TOX2: variants seen among roughly 807,000 people sequenced by gnomAD.
TOX2 encodes TOX high mobility group box family member 2.
Under a neutral mutation model 47.4 loss-of-function variants are expected in TOX2, and 15 were observed. The observed-to-expected ratio is 0.32, with a 90% CI of 0.21 to 0.49. The LOEUF (loss-of-function observed/expected upper bound fraction) is 0.49. Ranked by LOEUF, TOX2 falls within the 20% of genes least tolerant of loss-of-function variation. The probability of loss-of-function intolerance (pLI) is 0.99; values close to 1 mark genes in which losing one functional copy is unlikely to be tolerated. For missense variants in TOX2, 622 were observed against 673.1 expected, an observed-to-expected ratio of 0.92 and a Z score of 0.84; for synonymous variants, 290 against 296.6, an observed-to-expected ratio of 0.98 and a Z score of 0.23.
chr20:43,925,468 A>C (rs961399700), intron 1 of TOX2, among the ~76,000 whole-genome samples: 1 of 152,112 alleles, frequency 6.6e-6, no homozygotes, highest in Non-Finnish European at 1.5e-5. Flanking sequence ...GCGCTGGTGC[A>C]CTTTTTCCAG....
At chr20:44,011,053 A>G (rs1325133437) in intron 3 of TOX2, among the ~76,000 whole-genome samples, 1 of 151,986 alleles carries the variant, frequency 6.6e-6, no homozygotes, top group Non-Finnish European at 1.5e-5. Context: ...CCATCTTCAC[A>G]TCGCCTTCCC....
intron 1 of TOX2, among the ~76,000 whole-genome samples, chr20:43,923,610 A>G (rs1371608228): frequency 1.3e-5 from 2 of 152,206 alleles, no homozygotes; most frequent in African/African-American, 2.4e-5. Context: ...TGAGGACAGT[A>G]GAGATGTATT....
chr20:44,035,247 G>A (rs1034521691), intron 3 of TOX2, among the ~76,000 whole-genome samples: 1 of 152,310 alleles, frequency 6.6e-6, no homozygotes. Context: ...CATGGGTCTG[G>A]GAGAGCCTTC....
intron 3 of TOX2, among the ~76,000 whole-genome samples, chr20:44,019,436 C>T (rs959466609): frequency 2.0e-5 from 3 of 152,240 alleles, no homozygotes; most frequent in African/African-American, 7.2e-5. Flanking sequence ...CTATCCTTGG[C>T]CCAGGCCTCT....
chr20:43,982,907 G>T (rs992993207), intron 2 of TOX2, among the ~76,000 whole-genome samples: 1 of 151,584 alleles, frequency 6.6e-6, no homozygotes, highest in South Asian at 2.1e-4. Context: ...CTAAGGCAAG[G>T]CTGGGAAATA....
intron 4 of TOX2, among the ~76,000 whole-genome samples, chr20:44,053,540 CTATATATATACATATATACTA>C (rs1172463524): frequency 0.014 from 640 of 47,206 alleles, 4 homozygotes; most frequent in Non-Finnish European, 0.022. Flanking sequence ...TACATATATA[CTATATATATACATATATACTA>C]TATATACACA....
chr20:43,999,651 A>C (rs1297021941), intron 2 of TOX2, among the ~76,000 whole-genome samples: 1 of 152,258 alleles, frequency 6.6e-6, no homozygotes, highest in East Asian at 1.9e-4. Flanking sequence ...TGGCAATACT[A>C]TCTGAGCGTC....
intron 5 of TOX2, among the ~76,000 whole-genome samples, chr20:44,061,868 A>G (rs1180576902): frequency 6.6e-6 from 1 of 152,120 alleles, no homozygotes; most frequent in African/African-American, 2.4e-5. Context: ...CATAAACAGA[A>G]TTTAAAACCA....
At position 43,951,707 on chromosome 20, in the gene TOX2, G is replaced by GTTTGTTTTTTTTTTTTTTTTTTT. The variant is rs2069571364; in HGVS notation, c.100-21657_100-21656insGTTTTTTTTTTTTTTTTTTTTTT. Among the ~76,000 whole-genome samples, 7 of 55,094 alleles carry GTTTGTTTTTTTTTTTTTTTTTTT rather than the reference G, an allele frequency of 1.3e-4. 1 individual carries two copies. The highest frequency in any genetic ancestry group is 2.3e-4 in the Non-Finnish European group (6 of 25,574). 36.1% of individuals were successfully genotyped at this position (55,094 alleles called of 152,430 possible). On this transcript the variant is annotated intron_variant, in intron 1 of 8. Coordinates refer to ENST00000341197, the MANE Select transcript of TOX2 (RefSeq NM_001098797.2). ...TGACCATTACTATTAAACTTATTAT[G>GTTTGTTTTTTTTTTTTTTTTTTT]TTTTTTTTTTTTTTTTTTTTTAGAG...
intron 3 of TOX2, among the ~76,000 whole-genome samples, chr20:44,020,927 G>C (rs1050488915): frequency 5.3e-5 from 8 of 152,144 alleles, no homozygotes; most frequent in Non-Finnish European, 1.2e-4. Flanking sequence ...TCTGCCTGTG[G>C]TTCCTGGTTC....
chr20:43,960,084 T>G (rs2069733503), intron 1 of TOX2, among the ~76,000 whole-genome samples: 1 of 152,192 alleles, frequency 6.6e-6, no homozygotes, highest in South Asian at 2.1e-4. Context: ...CTCAGTAACT[T>G]ACCTTGTGAG....
intron 1 of TOX2, among the ~76,000 whole-genome samples, chr20:43,921,274 G>A (rs559412721): frequency 6.6e-6 from 1 of 152,276 alleles, no homozygotes; most frequent in East Asian, 1.9e-4. Context: ...CTGCTGTGTG[G>A]CTCCTTGCCC....
intron 2 of TOX2, among the ~76,000 whole-genome samples, chr20:44,005,647 T>C (rs1315304030): frequency 6.6e-6 from 1 of 152,166 alleles, no homozygotes; most frequent in East Asian, 1.9e-4. Flanking sequence ...AAATTACATG[T>C]TTACTATGCT....
chr20:43,991,120 G>A (rs1048578452), intron 2 of TOX2, among the ~76,000 whole-genome samples: 1 of 152,106 alleles, frequency 6.6e-6, no homozygotes, highest in Non-Finnish European at 1.5e-5. Flanking sequence ...TGTAACTGAG[G>A]CCCAGAAAGG....
intron 3 of TOX2, among the ~76,000 whole-genome samples, chr20:44,020,613 T>C (rs1265711304): frequency 1.3e-5 from 2 of 152,114 alleles, no homozygotes; most frequent in African/African-American, 2.4e-5. Context: ...GGAAACGTGA[T>C]CCTAAGGCCA....
At chr20:44,033,083 T>C (rs187426616) in intron 3 of TOX2, among the ~76,000 whole-genome samples, 2 of 152,336 alleles carry the variant, frequency 1.3e-5, no homozygotes, top group East Asian at 3.9e-4. Flanking sequence ...GCTATTATTC[T>C]GAACAAGACA....
At chr20:44,039,504 G>A (rs1054477860) in intron 3 of TOX2, among the ~76,000 whole-genome samples, 35 of 152,182 alleles carry the variant, frequency 2.3e-4, no homozygotes, top group African/African-American at 8.4e-4. Flanking sequence ...TGGAGGCTGG[G>A]ACTAGAGCTG....
intron 5 of TOX2, among the ~76,000 whole-genome samples, chr20:44,060,894 A>T (rs2071705102): frequency 6.6e-6 from 1 of 152,152 alleles, no homozygotes; most frequent in Non-Finnish European, 1.5e-5. Context: ...GCAGAAGAAA[A>T]AAATGACCAA....
At chr20:44,040,453 G>C (rs2071313764) in intron 3 of TOX2, among the ~76,000 whole-genome samples, 1 of 152,310 alleles carries the variant, frequency 6.6e-6, no homozygotes, top group South Asian at 2.1e-4. Context: ...TGAGGATGGA[G>C]AAGTGTCTTG....
Sources: gnomAD v4.1 joint callset for allele counts (sites outside exome capture counted in the v4.1 genomes callset) on GRCh38, gnomAD v4.1.1 for gene constraint, MANE v1.5 for transcripts, NCBI Gene and HGNC (gene_info 2026-07-23, HGNC 2026-07-21) for gene names.